INSC: variants seen among roughly 807,000 people sequenced by gnomAD.
INSC encodes protein inscuteable homolog.
INSC carries 67 observed loss-of-function variants against 58.6 expected under a neutral mutation model. That is an observed-to-expected ratio of 1.14 (90% CI 0.94 to 1.40). The LOEUF (loss-of-function observed/expected upper bound fraction) is 1.40. INSC is among the 40% of genes most tolerant of loss of function. The pLI is 0.00. For missense variants in INSC, 714 were observed against 692.0 expected, an observed-to-expected ratio of 1.03 and a Z score of -0.36; for synonymous variants, 262 against 276.1, an observed-to-expected ratio of 0.95 and a Z score of 0.51.
intron 2 of INSC, among the ~76,000 whole-genome samples, chr11:15,167,154 A>G (rs1849226228): frequency 6.6e-6 from 1 of 151,326 alleles, no homozygotes; most frequent in South Asian, 2.1e-4. Context: ...AGTTTAGTTT[A>G]AATGTGAGCA....
chr11:15,212,372 A>G (rs1170865835), intron 7 of INSC, among the ~76,000 whole-genome samples: 1 of 152,046 alleles, frequency 6.6e-6, no homozygotes. Flanking sequence ...ACCTCAGGTG[A>G]TCCGCCCACC....
At chr11:15,258,730 G>T in the INSC span, among the ~76,000 whole-genome samples, 1 of 152,138 alleles carries the variant, frequency 6.6e-6, no homozygotes, top group Middle Eastern at 3.4e-3. Flanking sequence ...GCCCCTTTAG[G>T]GACTCTCTGA....
the INSC span, among the ~76,000 whole-genome samples, chr11:15,258,241 G>A: frequency 6.6e-6 from 1 of 152,080 alleles, no homozygotes; most frequent in Non-Finnish European, 1.5e-5. Flanking sequence ...CTGGTTGTTG[G>A]TTCTAAAGCT....
chr11:15,260,027 C>T, the INSC span, among the ~76,000 whole-genome samples: 1 of 151,994 alleles, frequency 6.6e-6, no homozygotes, highest in African/African-American at 2.4e-5. Flanking sequence ...AAGTGAAGGC[C>T]AAATTGATAG....
intron 7 of INSC, among the ~76,000 whole-genome samples, chr11:15,209,206 C>A (rs1297485111): frequency 1.3e-5 from 2 of 152,204 alleles, no homozygotes; most frequent in Non-Finnish European, 2.9e-5. Flanking sequence ...GTAAACAAGC[C>A]TGGGTTTGGT....
chr11:15,263,952 CTT>C, the INSC span, among the ~76,000 whole-genome samples: 7 of 149,748 alleles, frequency 4.7e-5, no homozygotes, highest in East Asian at 6.0e-4. Flanking sequence ...TGCTTGGAAT[CTT>C]TTGATCTTCC....
chr11:15,164,052 T>A (rs1849108782), intron 2 of INSC, among the ~76,000 whole-genome samples: 1 of 152,214 alleles, frequency 6.6e-6, no homozygotes, highest in African/African-American at 2.4e-5. Context: ...ATTTCCTTTC[T>A]GATAATTTAT....
In INSC at chr11:15,190,928, C is replaced by T. The variant is rs1159838370; in HGVS notation, c.693+114C>T. 1.0e-5 allele frequency: 7 copies of T among 691,862 alleles called. No individual in the cohort carries two copies. The African/African-American group carries it at 1.1e-4, about 11-fold the overall frequency. The allele number at this position is 691,862 out of a possible 1,614,324, so 42.9% of individuals were successfully genotyped here. Reference sequence around the variant, plus strand: ...TCTGTCTTGGCCCCTGCATTAGCTGCTGAGTCTCCTTGGGAGAGTCACTTA... The same window carrying T: ...TCTGTCTTGGCCCCTGCATTAGCTGTTGAGTCTCCTTGGGAGAGTCACTTA... On this transcript the variant is annotated intron_variant, in intron 6 of 12. Transcript: ENST00000379556.
chr11:15,216,316 A>G (rs1851217131), intron 7 of INSC, among the ~76,000 whole-genome samples: 1 of 152,206 alleles, frequency 6.6e-6, no homozygotes, highest in Non-Finnish European at 1.5e-5. Flanking sequence ...GCCAAGTGAG[A>G]GAGGAATTGA....
intron 2 of INSC, among the ~76,000 whole-genome samples, chr11:15,170,142 G>T (rs1001598445): frequency 2.6e-5 from 4 of 151,998 alleles, no homozygotes; most frequent in African/African-American, 7.2e-5. Context: ...TGTGTTTTTT[G>T]TGTGTGACAT....
intron 5 of INSC, among the ~76,000 whole-genome samples, chr11:15,184,835 G>T (rs949969543): frequency 6.6e-6 from 1 of 152,180 alleles, no homozygotes; most frequent in Non-Finnish European, 1.5e-5. Flanking sequence ...GTAAGTAAAA[G>T]CTGGAGCTTC....
the INSC span, among the ~76,000 whole-genome samples, chr11:15,263,990 C>T: frequency 4.6e-5 from 7 of 151,400 alleles, no homozygotes; most frequent in East Asian, 1.9e-4. Flanking sequence ...TATTCTGCTG[C>T]GGCTACTGCT....
At chr11:15,225,572 G>T in intron 8 of INSC, 78 bp from the exon 9 acceptor site, 1 of 1,401,772 alleles carries the variant, frequency 7.1e-7, no homozygotes, top group African/African-American at 1.4e-5. Flanking sequence ...TCTCCCAGAG[G>T]TATTGTGTGA....
At chr11:15,124,213 C>T (rs1025175851) in intron 1 of INSC, among the ~76,000 whole-genome samples, 1 of 152,202 alleles carries the variant, frequency 6.6e-6, no homozygotes, top group Non-Finnish European at 1.5e-5. Context: ...CTATGGTCCT[C>T]ACAGCTCAGA....
At chr11:15,173,128 G>A (rs1395025306) in intron 2 of INSC, among the ~76,000 whole-genome samples, 1 of 152,122 alleles carries the variant, frequency 6.6e-6, no homozygotes, top group African/African-American at 2.4e-5. Flanking sequence ...CCCAGGAATG[G>A]GAAAATGGCT....
intron 5 of INSC, among the ~76,000 whole-genome samples, chr11:15,178,784 C>A (rs73424579): frequency 0.032 from 4,927 of 152,224 alleles, 247 homozygotes; most frequent in African/African-American, 0.11. Flanking sequence ...CTTCCCAGAG[C>A]CTGTGTCCTG....
chr11:15,238,913 G>A lies in INSC; in HGVS notation c.1238-6G>A, dbSNP rs1564922938. The A allele has an allele frequency of 6.2e-7, 1 of 1,613,206 alleles. No homozygotes were observed. The highest frequency in any genetic ancestry group is 8.5e-7 in the Non-Finnish European group (1 of 1,179,454). On this transcript the variant is annotated splice_region_variant and splice_polypyrimidine_tract_variant and intron_variant, in intron 10 of 12. Coordinates refer to ENST00000379556, the MANE Select transcript of INSC (RefSeq NM_001042536.3). The stretch of plus-strand genomic sequence containing the variant: ...AGGTACCAACTGTTCCTTGCTTCCT[G>A]CCTAGGGGTCCAGCTTATCATGGGC...
chr11:15,252,835 G>C, the INSC span, among the ~76,000 whole-genome samples: 1 of 152,144 alleles, frequency 6.6e-6, no homozygotes, highest in Admixed American at 6.6e-5. Flanking sequence ...TTTTCTGTCT[G>C]ATATGCTACT....
the INSC span, among the ~76,000 whole-genome samples, chr11:15,263,200 A>G: frequency 2.0e-5 from 3 of 152,154 alleles, no homozygotes; most frequent in Admixed American, 2.0e-4. Flanking sequence ...ATATAGAAGA[A>G]AGATTAAGAA....
Sources: allele counts gnomAD v4.1 joint callset (sites outside exome capture counted in the v4.1 genomes callset), GRCh38; gene constraint gnomAD v4.1.1; transcripts MANE v1.5; gene names NCBI Gene and HGNC (gene_info 2026-07-23, HGNC 2026-07-21).